UBE2R2: variants seen among roughly 807,000 people sequenced by gnomAD.
The protein encoded by UBE2R2 is ubiquitin conjugating enzyme E2 R2, also known as ubiquitin-conjugating enzyme E2 R2.
UBE2R2 carries 1 observed loss-of-function variant against 27.8 expected under a neutral mutation model. The ratio of observed to expected loss-of-function variants is 0.04; its 90% CI spans 0.01 to 0.17. The LOEUF (loss-of-function observed/expected upper bound fraction) is 0.17. UBE2R2 is among the 10% of genes least tolerant of loss of function. The probability of loss-of-function intolerance (pLI) is 1.00; values close to 1 mark genes in which losing one functional copy is unlikely to be tolerated. For missense variants in UBE2R2, 100 were observed against 291.0 expected, an observed-to-expected ratio of 0.34 and a Z score of 4.78; for synonymous variants, 106 against 113.3, an observed-to-expected ratio of 0.94 and a Z score of 0.41.
chr9:33,914,575 C>T (rs1822590977), intron 4 of UBE2R2, among the ~76,000 whole-genome samples: 1 of 152,114 alleles, frequency 6.6e-6, no homozygotes, highest in African/African-American at 2.4e-5. Flanking sequence ...TAGCTCACAC[C>T]TGTAATCCCA....
intron 1 of UBE2R2, among the ~76,000 whole-genome samples, chr9:33,824,374 T>A (rs1820254075): frequency 6.6e-6 from 1 of 151,942 alleles, no homozygotes; most frequent in Non-Finnish European, 1.5e-5. Context: ...CGGTAGCTCA[T>A]GCCTGTAATC....
At chr9:33,894,820 C>T (rs1338864062) in intron 2 of UBE2R2, among the ~76,000 whole-genome samples, 2 of 152,134 alleles carry the variant, frequency 1.3e-5, no homozygotes, top group African/African-American at 4.8e-5. Context: ...TCACTTGAAC[C>T]CGGGAGGTAG....
At chr9:33,827,501 TGTG>T (rs1820341006) in intron 1 of UBE2R2, among the ~76,000 whole-genome samples, 1 of 151,850 alleles carries the variant, frequency 6.6e-6, no homozygotes, top group Non-Finnish European at 1.5e-5. Context: ...ATTAGCCTGG[TGTG>T]GTGGCGCACG....
intron 1 of UBE2R2, among the ~76,000 whole-genome samples, chr9:33,826,526 G>A (rs943152675): frequency 4.0e-5 from 6 of 151,742 alleles, no homozygotes; most frequent in Middle Eastern, 3.2e-3. Flanking sequence ...GTCAAACCCC[G>A]TCTCTACTAA....
intron 1 of UBE2R2, among the ~76,000 whole-genome samples, 154 bp from the exon 2 acceptor site, chr9:33,886,727 A>G (rs763275609): frequency 6.6e-6 from 1 of 151,676 alleles, no homozygotes; most frequent in Non-Finnish European, 1.5e-5. Context: ...TGACCCTGGC[A>G]CTGGGGATAA....
chr9:33,840,244 A>G (rs570299066), intron 1 of UBE2R2, among the ~76,000 whole-genome samples: 1 of 152,258 alleles, frequency 6.6e-6, no homozygotes, highest in Non-Finnish European at 1.5e-5. Flanking sequence ...GGAGCCATCC[A>G]TGTGTTCCAT....
At chr9:33,854,774 A>G (rs1031266043) in intron 1 of UBE2R2, among the ~76,000 whole-genome samples, 4 of 149,156 alleles carry the variant, frequency 2.7e-5, no homozygotes, top group African/African-American at 7.5e-5. Context: ...ACTGGAGTGC[A>G]GTGGCATGAT....
intron 1 of UBE2R2, among the ~76,000 whole-genome samples, chr9:33,876,697 C>T (rs1028192230): frequency 1.3e-5 from 2 of 152,074 alleles, no homozygotes; most frequent in Admixed American, 6.6e-5. Flanking sequence ...GGGCGGATCA[C>T]GAGGTCAGGA....
At chr9:33,907,549 T>C (rs1260020481) in intron 3 of UBE2R2, among the ~76,000 whole-genome samples, 1 of 151,996 alleles carries the variant, frequency 6.6e-6, no homozygotes, top group Admixed American at 6.6e-5. Flanking sequence ...TGTATTCTGC[T>C]GGATTGAGAT....
chr9:33,857,909 G>C (rs1821145848), intron 1 of UBE2R2, among the ~76,000 whole-genome samples: 1 of 152,016 alleles, frequency 6.6e-6, no homozygotes, highest in African/African-American at 2.4e-5. Context: ...GATGGAAGTT[G>C]TTCCTTAATA....
At chr9:33,897,347 C>T (rs552317997) in intron 2 of UBE2R2, among the ~76,000 whole-genome samples, 32 of 138,336 alleles carry the variant, frequency 2.3e-4, no homozygotes, top group African/African-American at 8.5e-4. Flanking sequence ...ACAAGAGTTT[C>T]GCTTTTGTTG....
rs1369152808 is a variant in UBE2R2, at chr9:33,910,338, G to A, written c.363-1626G>A. On this transcript the variant is annotated intron_variant, in intron 3 of 4. Transcript: ENST00000263228. ...TAATTTTTGTATTTTTAGTAGAGAC[G>A]GGGTTTCACCGTGTTGGCCAGGATG... Among the ~76,000 whole-genome samples, 8 of 151,896 alleles carry A rather than the reference G, an allele frequency of 5.3e-5. No individual in the cohort carries two copies. In the East Asian group the frequency reaches 7.7e-4, roughly 15 times the overall value.
chr9:33,891,801 A>G (rs1328804584), intron 2 of UBE2R2, among the ~76,000 whole-genome samples: 1 of 151,910 alleles, frequency 6.6e-6, no homozygotes, highest in Non-Finnish European at 1.5e-5. Context: ...TCCTTGAGTT[A>G]AAGCTGCAAA....
At chr9:33,873,913 G>C (rs1821544837) in intron 1 of UBE2R2, among the ~76,000 whole-genome samples, 1 of 151,768 alleles carries the variant, frequency 6.6e-6, no homozygotes, top group African/African-American at 2.4e-5. Context: ...AAAGTGCTAG[G>C]GTTTCAGGCA....
intron 2 of UBE2R2, among the ~76,000 whole-genome samples, chr9:33,891,252 GC>G (rs763544140): frequency 2.6e-5 from 4 of 151,848 alleles, no homozygotes; most frequent in Non-Finnish European, 5.9e-5. Context: ...TCTTGGCCAG[GC>G]TGGTCTCGAA....
chr9:33,898,217 C>G lies in UBE2R2; in HGVS notation c.265-1957C>G, dbSNP rs1438703154. Among the ~76,000 whole-genome samples, 4 of 152,006 alleles carry G rather than the reference C, an allele frequency of 2.6e-5. No homozygotes were observed. In the East Asian group the frequency reaches 7.7e-4, roughly 29 times the overall value. ...TCTCCTGCCTCAGCCTCCTGAGTAG[C>G]TGCGATTACAGGTGCCACCACGCCC... is the stretch of plus-strand genomic sequence containing the variant. On this transcript the variant is annotated intron_variant, in intron 2 of 4. Transcript: ENST00000263228.
In UBE2R2 at chr9:33,909,140, ATCG is replaced by A. The variant is rs1010122013; in HGVS notation, c.363-2815_363-2813del. On this transcript the variant is annotated intron_variant, in intron 3 of 4. Transcript: ENST00000263228. ...TAGGTTATACATTATCATCATCATC[ATCG>A]TCGTCGTCATTGAAAGTTATTAGTA... Among the ~76,000 whole-genome samples, 3 of 150,500 alleles carry A rather than the reference ATCG, an allele frequency of 2.0e-5. 1 individual carries two copies. Among genetic ancestry groups the A allele is most frequent in the East Asian group, 3.9e-4 (2 of 5,180 alleles).
intron 2 of UBE2R2, among the ~76,000 whole-genome samples, chr9:33,894,994 C>T (rs1361603186): frequency 6.6e-6 from 1 of 152,204 alleles, no homozygotes. Context: ...GCCACTGTAC[C>T]TGGCCTTCCC....
chr9:33,897,024 A>ATTTTTTTTTTTTTTTT lies in UBE2R2; in HGVS notation c.265-3135_265-3120dup, dbSNP rs749987839. Among the ~76,000 whole-genome samples the ATTTTTTTTTTTTTTTT allele has an allele frequency of 7.4e-5, 3 of 40,634 alleles. 1 individual carries two copies. Among genetic ancestry groups the ATTTTTTTTTTTTTTTT allele is most frequent in the African/African-American group, 2.0e-4 (2 of 9,916 alleles). The allele number at this position is 40,634 out of a possible 152,430, so 26.7% of individuals were successfully genotyped here. On this transcript the variant is annotated intron_variant, in intron 2 of 4. Coordinates refer to ENST00000263228, the MANE Select transcript of UBE2R2 (RefSeq NM_017811.4). ...CCAAGTAGCATACTTCTGTGGCCTA[A>ATTTTTTTTTTTTTTTT]TTTTTTTTTTTTTTTTTTTTTTTTT...
Sources: gnomAD v4.1 joint callset for allele counts (sites outside exome capture counted in the v4.1 genomes callset) on GRCh38, gnomAD v4.1.1 for gene constraint, MANE v1.5 for transcripts, NCBI Gene and HGNC (gene_info 2026-07-23, HGNC 2026-07-21) for gene names.